The following STAG1 variants were observed in gnomAD, a reference collection of about 807,000 sequenced individuals.
STAG1 encodes the protein cohesin subunit SA-1.
A neutral mutation model predicts 170.9 loss-of-function variants in STAG1; 26 were observed. The observed-to-expected ratio is 0.15, with a 90% CI of 0.11 to 0.21. The LOEUF is 0.21. Ranked by LOEUF, STAG1 falls within the 10% of genes least tolerant of loss-of-function variation. The pLI is 1.00. For synonymous variants in STAG1, 514 were observed against 497.7 expected (o/e 1.03, Z -0.44); for missense variants, 964 against 1,509.5 (o/e 0.64, Z 5.99).
chr3:136,353,013 G>A (rs1242048784), intron 28 of STAG1, among the ~76,000 whole-genome samples: 1 of 152,114 alleles, frequency 6.6e-6, no homozygotes, highest in Non-Finnish European at 1.5e-5. Context: ...ATGAAATAAA[G>A]AGTATCAATT....
At chr3:136,573,847 T>C (rs757627923) in intron 4 of STAG1, among the ~76,000 whole-genome samples, 1 of 151,930 alleles carries the variant, frequency 6.6e-6, no homozygotes, top group Admixed American at 6.6e-5. Flanking sequence ...GGTGGGTGCC[T>C]GTAATCCCAG....
chr3:136,506,001 G>A (rs772338704), intron 7 of STAG1, among the ~76,000 whole-genome samples: 3 of 152,112 alleles, frequency 2.0e-5, no homozygotes, highest in Non-Finnish European at 2.9e-5. Flanking sequence ...GAAGGAAGAG[G>A]CCAGATTATA....
At chr3:136,707,168 A>C (rs969595725) in intron 1 of STAG1, among the ~76,000 whole-genome samples, 1 of 152,224 alleles carries the variant, frequency 6.6e-6, no homozygotes, top group African/African-American at 2.4e-5. Flanking sequence ...CTTACATGAC[A>C]CCAAAAGCCC....
intron 3 of STAG1, among the ~76,000 whole-genome samples, chr3:136,614,386 T>A (rs1431608186): frequency 3.9e-5 from 6 of 152,082 alleles, no homozygotes; most frequent in Non-Finnish European, 1.5e-5. Flanking sequence ...AATACAGAAA[T>A]TAGAGTTCAT....
At chr3:136,514,273 AAAG>A (rs1223675594) in intron 7 of STAG1, among the ~76,000 whole-genome samples, 7 of 152,220 alleles carry the variant, frequency 4.6e-5, no homozygotes, top group African/African-American at 1.2e-4. Context: ...ACACTTCTCA[AAAG>A]AAGACATTTA....
intron 6 of STAG1, among the ~76,000 whole-genome samples, chr3:136,522,502 C>G (rs1171854803): frequency 6.6e-6 from 1 of 151,926 alleles, no homozygotes; most frequent in East Asian, 1.9e-4. Flanking sequence ...TTCTATATCA[C>G]AAAACCCCAC....
At chr3:136,377,888 C>T in intron 22 of STAG1, 136 bp from the exon 23 acceptor site, 1 of 678,410 alleles carries the variant, frequency 1.5e-6, no homozygotes, top group Non-Finnish European at 2.6e-6. Flanking sequence ...ATGTTGGGAA[C>T]CATTTAATGT....
intron 5 of STAG1, among the ~76,000 whole-genome samples, chr3:136,552,510 T>A (rs762294710): frequency 2.0e-5 from 3 of 152,142 alleles, no homozygotes; most frequent in Non-Finnish European, 4.4e-5. Context: ...GGACAATAAA[T>A]AAAAGCAGAA....
At chr3:136,474,179 T>C (rs2089689704) in intron 10 of STAG1, among the ~76,000 whole-genome samples, 1 of 152,154 alleles carries the variant, frequency 6.6e-6, no homozygotes, top group East Asian at 1.9e-4. Flanking sequence ...ATGTCTTTAA[T>C]AAAGTCATCA....
At chr3:136,546,638 G>A (rs1474060326) in intron 5 of STAG1, among the ~76,000 whole-genome samples, 1 of 152,114 alleles carries the variant, frequency 6.6e-6, no homozygotes, top group Non-Finnish European at 1.5e-5. Flanking sequence ...TCTAATTAAT[G>A]AGGCCATGAG....
chr3:136,646,540 T>C (rs909875313), intron 1 of STAG1, among the ~76,000 whole-genome samples: 1 of 152,216 alleles, frequency 6.6e-6, no homozygotes, highest in Admixed American at 6.5e-5. Flanking sequence ...CCTTGTGGGA[T>C]AGATTTTTTA....
At chr3:136,596,573 C>T (rs886114599) in intron 4 of STAG1, among the ~76,000 whole-genome samples, 1 of 152,036 alleles carries the variant, frequency 6.6e-6, no homozygotes, top group African/African-American at 2.4e-5. Context: ...CTTTGTGGTC[C>T]TATCCTTTTT....
At chr3:136,531,655 C>T (rs972301168) in intron 6 of STAG1, among the ~76,000 whole-genome samples, 1 of 149,304 alleles carries the variant, frequency 6.7e-6, no homozygotes, top group African/African-American at 2.5e-5. Flanking sequence ...TAAACTATCG[C>T]AAGAACAAAA....
intron 6 of STAG1, among the ~76,000 whole-genome samples, chr3:136,526,751 T>C (rs569374961): frequency 1.3e-4 from 20 of 152,320 alleles, no homozygotes; most frequent in African/African-American, 4.8e-4. Context: ...TTTCCATGTT[T>C]AGTGCTTCCT....
chr3:136,554,754 G>T (rs1381923661), intron 5 of STAG1, among the ~76,000 whole-genome samples: 2 of 152,002 alleles, frequency 1.3e-5, no homozygotes, highest in African/African-American at 4.8e-5. Context: ...AAATCAGCTG[G>T]TGTGGTGGCA....
intron 32 of STAG1, among the ~76,000 whole-genome samples, chr3:136,339,461 T>G (rs1935850882): frequency 6.6e-6 from 1 of 152,158 alleles, no homozygotes; most frequent in African/African-American, 2.4e-5. Context: ...AGGCAGAGGT[T>G]GCAGTGAGCC....
At chr3:136,730,962 G>A (rs1934008235) in intron 1 of STAG1, among the ~76,000 whole-genome samples, 1 of 152,204 alleles carries the variant, frequency 6.6e-6, no homozygotes, top group African/African-American at 2.4e-5. Flanking sequence ...GGCCTATGGT[G>A]AAGGCCAAGA....
chr3:136,475,048 G>T (rs544385453), intron 10 of STAG1, among the ~76,000 whole-genome samples: 5 of 151,360 alleles, frequency 3.3e-5, no homozygotes, highest in African/African-American at 1.2e-4. Flanking sequence ...CTCCCTGTGA[G>T]ATCAGGTTGA....
chr3:136,521,630 A>G (rs1356767741), intron 6 of STAG1, among the ~76,000 whole-genome samples: 1 of 152,202 alleles, frequency 6.6e-6, no homozygotes, highest in Non-Finnish European at 1.5e-5. Context: ...TTACTATTTT[A>G]GAACCAGCAT....
Sources: allele counts gnomAD v4.1 joint callset (sites outside exome capture counted in the v4.1 genomes callset), GRCh38; gene constraint gnomAD v4.1.1; transcripts MANE v1.5; gene names NCBI Gene and HGNC (gene_info 2026-07-23, HGNC 2026-07-21).